Variants in TMEM40 observed in about 807,000 individuals in gnomAD.
TMEM40 encodes transmembrane protein 40.
A neutral mutation model predicts 40.8 loss-of-function variants in TMEM40; 34 were observed. The ratio of observed to expected loss-of-function variants is 0.83; its 90% CI spans 0.63 to 1.11. TMEM40 has a LOEUF of 1.11. Among genes scored for constraint, TMEM40 ranks in the 50% least tolerant of loss-of-function variants. TMEM40 has a pLI of 0.00. For missense variants in TMEM40, 296 were observed against 280.2 expected (o/e 1.06, Z -0.40); for synonymous variants, 106 against 107.0 (o/e 0.99, Z 0.06).
intron 1 of TMEM40, among the ~76,000 whole-genome samples, chr3:12,750,594 C>G (rs949305676): frequency 3.3e-5 from 5 of 152,134 alleles, no homozygotes; most frequent in African/African-American, 1.2e-4. Flanking sequence ...GGTAGATTTA[C>G]TAGTCTCTGA....
intron 4 of TMEM40, among the ~76,000 whole-genome samples, chr3:12,743,080 T>C (rs1181099069): frequency 1.3e-5 from 2 of 152,254 alleles, no homozygotes; most frequent in Non-Finnish European, 2.9e-5. Context: ...GGTTCTGTAC[T>C]ATACAATAAT....
upstream of TMEM40, among the ~76,000 whole-genome samples, chr3:12,763,114 C>A (rs1178442105): frequency 4.2e-5 from 6 of 142,902 alleles, no homozygotes; most frequent in East Asian, 4.1e-4. Flanking sequence ...GAGCCGAGAT[C>A]GCGCCACTGC....
Position 12,735,757 on chromosome 3 carries a change from G to T in TMEM40, c.620-140C>A, listed in dbSNP as rs567844773. On this transcript the variant is annotated intron_variant, in intron 10 of 11. Coordinates refer to ENST00000314124, the MANE Select transcript of TMEM40 (RefSeq NM_018306.4). The stretch of plus-strand genomic sequence containing the variant: ...GGCAGCAGGTTAAGCTTAGATAATG[G>T]TACTAGAGTTATTATTACTAAAAAC... The T allele has an allele frequency of 4.8e-6, 3 of 618,742 alleles. No individual in the cohort carries two copies. In the South Asian group the frequency reaches 7.1e-5, roughly 15 times the overall value. The allele number at this position is 618,742 out of a possible 1,614,324, so 38.3% of individuals were successfully genotyped here.
intron 1 of TMEM40, among the ~76,000 whole-genome samples, 172 bp from the exon 2 acceptor site, chr3:12,750,012 T>TG (rs2061461425): frequency 6.6e-6 from 1 of 151,588 alleles, no homozygotes; most frequent in African/African-American, 2.4e-5. Flanking sequence ...GCCGGGGTAG[T>TG]GGAGGGAGGA....
At chr3:12,738,797 C>A in intron 5 of TMEM40, 2 of 559,220 alleles carry the variant, frequency 3.6e-6, no homozygotes, top group Non-Finnish European at 6.5e-6. Context: ...GGAACGCCTA[C>A]CCACTCTTAC....
chr3:12,736,715 C>T, intron 9 of TMEM40, 49 bp downstream of exon 9: 1 of 1,613,848 alleles, frequency 6.2e-7, no homozygotes, highest in Non-Finnish European at 8.5e-7. Flanking sequence ...GCCCCCTGCA[C>T]CACCCCATGC....
chr3:12,755,233 CTCTT>C (rs749104547), intron 1 of TMEM40, among the ~76,000 whole-genome samples: 1,557 of 59,892 alleles, frequency 0.026, 42 homozygotes, highest in South Asian at 0.13. Flanking sequence ...CTCTCTCTCT[CTCTT>C]TCTTTCTTTC....
chr3:12,744,018 G>A (rs781701389), intron 3 of TMEM40, 29 bp from the exon 4 acceptor site: 1 of 1,605,274 alleles, frequency 6.2e-7, no homozygotes, highest in African/African-American at 1.3e-5. Flanking sequence ...AGCTGTAGGA[G>A]AAGCTCAGCC....
chr3:12,744,473 A>C (rs1201977306), intron 3 of TMEM40, among the ~76,000 whole-genome samples: 1 of 152,154 alleles, frequency 6.6e-6, no homozygotes, highest in Non-Finnish European at 1.5e-5. Flanking sequence ...GCCCCAGCTC[A>C]CACTGGTCTT....
At chr3:12,767,673 T>G (rs1022618482) in intron 1 of TMEM40, among the ~76,000 whole-genome samples, 1 of 152,168 alleles carries the variant, frequency 6.6e-6, no homozygotes, top group Non-Finnish European at 1.5e-5. Context: ...TCCACTGCTC[T>G]GAGCAGGGGC....
intron 4 of TMEM40, 80 bp downstream of exon 4, chr3:12,743,820 G>A (rs1378084600): frequency 1.0e-5 from 14 of 1,356,152 alleles, no homozygotes; most frequent in Non-Finnish European, 1.4e-5. Context: ...ATGCTGTGAA[G>A]AACATCACAC....
chr3:12,753,675 T>C (rs1168483769), intron 1 of TMEM40, among the ~76,000 whole-genome samples: 1 of 152,156 alleles, frequency 6.6e-6, no homozygotes, highest in Non-Finnish European at 1.5e-5. Context: ...GTTAGAGGAC[T>C]CTAGCACCAA....
At chr3:12,749,967 CA>C (rs1435202939) in intron 1 of TMEM40, 127 bp from the exon 2 acceptor site, 65 of 957,476 alleles carry the variant, frequency 6.8e-5, no homozygotes, top group South Asian at 1.2e-4. Flanking sequence ...AAATAATTAA[CA>C]AAAAAAATGG....
intron 1 of TMEM40, chr3:12,769,183 C>T (rs560391038): frequency 5.5e-4 from 181 of 329,772 alleles, no homozygotes; most frequent in Non-Finnish European, 1.0e-3. Context: ...CAAGCCCACC[C>T]GGAACTGTAG....
intron 10 of TMEM40, among the ~76,000 whole-genome samples, chr3:12,736,149 ATTT>A (rs553779357): frequency 7.1e-6 from 1 of 141,040 alleles, no homozygotes; most frequent in Non-Finnish European, 1.5e-5. Context: ...GCATAAGGAA[ATTT>A]TTTTTTTTTT....
intron 1 of TMEM40, among the ~76,000 whole-genome samples, chr3:12,767,192 T>TG (rs1559537530): frequency 6.6e-6 from 1 of 152,058 alleles, no homozygotes; most frequent in South Asian, 2.1e-4. Context: ...TGGTAAAAGT[T>TG]GGGGGGTCAG....
Position 12,744,008 on chromosome 3 carries a change from A to G in TMEM40, c.212-19T>C, listed in dbSNP as rs758636996. The G allele has an allele frequency of 1.1e-5, 18 of 1,608,124 alleles. No individual in the cohort carries two copies. Among genetic ancestry groups the G allele is most frequent in the African/African-American group, 2.7e-5 (2 of 74,816 alleles). On this transcript the variant is annotated intron_variant, in intron 3 of 11. Coordinates refer to ENST00000314124, the MANE Select transcript of TMEM40 (RefSeq NM_018306.4). ...TTGCTCTCTGCGGGTAACAAACACA[A>G]GCTGTAGGAGAAGCTCAGCCTGGAA...
chr3:12,734,698 C>T lies in TMEM40; in HGVS notation c.*76G>A, dbSNP rs2061325430. ...CTCCTGTGCGTCTCTCAGAATGCTG[C>T]TCTGCCCTTGTGGGCTCAGGGGTCG... On this transcript the variant is annotated 3_prime_UTR_variant, in exon 12 of 12. Coordinates refer to ENST00000314124, the MANE Select transcript of TMEM40 (RefSeq NM_018306.4). 1.3e-6 allele frequency: 2 copies of T among 1,515,634 alleles called. No homozygotes were observed. Among genetic ancestry groups the T allele is most frequent in the Non-Finnish European group, 1.8e-6 (2 of 1,118,088 alleles). 93.9% of individuals were successfully genotyped at this position (1,515,634 alleles called of 1,614,324 possible).
chr3:12,749,950 A>G lies in TMEM40; in HGVS notation c.-8-110T>C, dbSNP rs993693711. ...AGACAAACACTCAACATTCAAAGGA[A>G]TAAGAAAAATAATTAACAAAAAAAA... On this transcript the variant is annotated intron_variant, in intron 1 of 11. Transcript: ENST00000314124. 15 of 1,053,446 alleles carry G rather than the reference A, an allele frequency of 1.4e-5. No individual in the cohort carries two copies. The African/African-American group carries it at 1.8e-4, about 12-fold the overall frequency. 65.3% of individuals were successfully genotyped at this position (1,053,446 alleles called of 1,614,324 possible). A position where few individuals can be genotyped will look rare whatever the true frequency, so the allele number is the denominator to read the frequency against.
Sources: allele counts gnomAD v4.1 joint callset (sites outside exome capture counted in the v4.1 genomes callset), GRCh38; gene constraint gnomAD v4.1.1; transcripts MANE v1.5; gene names NCBI Gene and HGNC (gene_info 2026-07-23, HGNC 2026-07-21).